Variants in HLCS observed in about 807,000 individuals in gnomAD.
HLCS encodes the protein biotin--protein ligase.
In HLCS, 53 loss-of-function variants were observed where a neutral mutation model predicts 75.0. That is an observed-to-expected ratio of 0.71 (90% confidence interval 0.57 to 0.89). HLCS has a LOEUF of 0.89. Ranked by LOEUF, HLCS falls within the 40% of genes least tolerant of loss-of-function variation. The pLI is 0.00. For missense variants in HLCS, 966 were observed against 1,074.0 expected (o/e 0.90, Z 1.41); for synonymous variants, 431 against 428.6 (o/e 1.01, Z -0.07).
At chr21:36,973,392 C>T (rs1268705491) in intron 1 of HLCS, among the ~76,000 whole-genome samples, 1 of 146,144 alleles carries the variant, frequency 6.8e-6, no homozygotes, top group Non-Finnish European at 1.5e-5. Flanking sequence ...TGAAAAAGCA[C>T]TTCAAAAACA....
At chr21:36,767,705 T>C (rs2835457) in intron 6 of HLCS, among the ~76,000 whole-genome samples, 20,705 of 152,068 alleles carry the variant, frequency 0.14, 2,827 homozygotes, top group African/African-American at 0.35. Context: ...CACTTCTGTT[T>C]GAACACTAGA....
At chr21:36,896,759 G>T in intron 6 of HLCS, 101 bp downstream of exon 6, 1 of 1,334,144 alleles carries the variant, frequency 7.5e-7, no homozygotes, top group Non-Finnish European at 1.1e-6. Flanking sequence ...CTGGTCAAAC[G>T]TATTCCTCTA....
chr21:36,926,845 C>A (rs1457787081), intron 5 of HLCS, among the ~76,000 whole-genome samples: 1 of 151,148 alleles, frequency 6.6e-6, no homozygotes, highest in East Asian at 1.9e-4. Context: ...CTGGCTCAGG[C>A]AATCCTCCTG....
At position 36,754,280 on chromosome 21, in the gene HLCS, A is replaced by G. The variant is rs2089471106; in HGVS notation, c.2588T>C (p.Met863Thr). Residue 863 changes from methionine (M) to threonine (T), a missense_variant, in exon 11 of 11, where the codon ATG (methionine) becomes ACG (threonine). Met to Thr is a moderately conservative substitution (Grantham distance 81). Transcript: ENST00000674895. Reference sequence around the variant, plus strand: ...TTTGGGGAGGATGAGGTTTCTCAGCATGTCGAAGGAGTTGCCGTCCGGGTG... The same window carrying G: ...TTTGGGGAGGATGAGGTTTCTCAGCGTGTCGAAGGAGTTGCCGTCCGGGTG... ...TVHPDGNSFDMLRNLILPKRR is the reference protein window; with the variant it reads ...TVHPDGNSFDTLRNLILPKRR 1 of 1,614,144 alleles carries G rather than the reference A, an allele frequency of 6.2e-7. No individual in the cohort carries two copies. Among genetic ancestry groups the G allele is most frequent in the South Asian group, 1.1e-5 (1 of 91,060 alleles).
chr21:36,923,474 C>T (rs1419734073), intron 5 of HLCS, among the ~76,000 whole-genome samples: 1 of 152,192 alleles, frequency 6.6e-6, no homozygotes, highest in Non-Finnish European at 1.5e-5. Flanking sequence ...GTTCCCTCGG[C>T]CTCAGAGACC....
At chr21:36,947,443 AC>A (rs775322531) in intron 2 of HLCS, 12 of 985,442 alleles carry the variant, frequency 1.2e-5, no homozygotes, top group Non-Finnish European at 1.4e-5. Flanking sequence ...TGTCACTGAT[AC>A]GTCGTCCAGG....
intron 1 of HLCS, among the ~76,000 whole-genome samples, chr21:36,966,211 T>C (rs2068566943): frequency 6.6e-6 from 1 of 152,142 alleles, no homozygotes; most frequent in Non-Finnish European, 1.5e-5. Flanking sequence ...GAGTCACGCG[T>C]CCAGCACCGC....
chr21:36,857,473 T>C (rs1450765634), intron 6 of HLCS, among the ~76,000 whole-genome samples: 1 of 152,222 alleles, frequency 6.6e-6, no homozygotes, highest in Non-Finnish European at 1.5e-5. Context: ...CTGTTTGGTC[T>C]TTCATTTGTG....
At chr21:36,793,145 C>A (rs1045830540) in intron 6 of HLCS, among the ~76,000 whole-genome samples, 17 of 152,024 alleles carry the variant, frequency 1.1e-4, no homozygotes, top group Admixed American at 9.2e-4. Flanking sequence ...TCAAATAATT[C>A]TTCTTTCTAT....
chr21:36,825,632 C>T (rs970067867), intron 6 of HLCS, among the ~76,000 whole-genome samples: 1 of 152,158 alleles, frequency 6.6e-6, no homozygotes, highest in Non-Finnish European at 1.5e-5. Context: ...CCCCAGGTCA[C>T]CCCCGCCCCA....
chr21:36,785,581 C>T (rs1226498473), intron 6 of HLCS, among the ~76,000 whole-genome samples: 6 of 152,234 alleles, frequency 3.9e-5, no homozygotes, highest in Non-Finnish European at 8.8e-5. Context: ...TTAGTTTGAT[C>T]GTTTATTCTC....
chr21:36,863,479 G>A (rs903719757), intron 6 of HLCS, among the ~76,000 whole-genome samples: 1 of 152,196 alleles, frequency 6.6e-6, no homozygotes, highest in Non-Finnish European at 1.5e-5. Context: ...CACAGGCGGG[G>A]TCACAGAAAG....
intron 1 of HLCS, among the ~76,000 whole-genome samples, chr21:36,986,437 T>C (rs1158102417): frequency 6.6e-6 from 1 of 152,204 alleles, no homozygotes; most frequent in East Asian, 1.9e-4. Context: ...TTTTGGTTTT[T>C]GAGATGGAGT....
rs1334205713 is a variant in HLCS, at chr21:36,763,774, G to A, written c.2121+1238C>T. Among the ~76,000 whole-genome samples the A allele has an allele frequency of 2.6e-5, 4 of 152,300 alleles. No homozygotes were observed. In the South Asian group the frequency reaches 6.2e-4, roughly 24 times the overall value. On this transcript the variant is annotated intron_variant, in intron 8 of 10. Transcript: ENST00000674895. ...TTGGGAGGGGGCTATGGGAAGTGAA[G>A]CCCAAGTAGGGAAGAAAATGCTTCG...
intron 6 of HLCS, among the ~76,000 whole-genome samples, chr21:36,895,890 A>T (rs976085857): frequency 3.3e-5 from 5 of 152,324 alleles, no homozygotes; most frequent in African/African-American, 1.2e-4. Flanking sequence ...CAAATTTTTT[A>T]AACTAAAATA....
chr21:36,970,367 G>C (rs1197481587), upstream of HLCS, among the ~76,000 whole-genome samples: 1 of 152,002 alleles, frequency 6.6e-6, no homozygotes, highest in East Asian at 1.9e-4. Context: ...CAAAGTGTTG[G>C]GATTACAGGC....
intron 6 of HLCS, among the ~76,000 whole-genome samples, chr21:36,845,403 A>C (rs958784372): frequency 3.3e-5 from 5 of 152,074 alleles, no homozygotes; most frequent in Admixed American, 2.6e-4. Context: ...GACTGCTGGG[A>C]GCATTTGCTG....
chr21:36,970,956 T>C (rs2068770656), upstream of HLCS, among the ~76,000 whole-genome samples: 1 of 148,576 alleles, frequency 6.7e-6, no homozygotes, highest in Non-Finnish European at 1.5e-5. Context: ...ATTGCGCCAC[T>C]GCACTCCAGC....
chr21:36,820,560 C>G (rs906902516), intron 6 of HLCS, among the ~76,000 whole-genome samples: 2 of 152,194 alleles, frequency 1.3e-5, no homozygotes, highest in Non-Finnish European at 2.9e-5. Context: ...ATGCTCAGGG[C>G]GGCGCTGACA....
Sources: allele counts gnomAD v4.1 joint callset (sites outside exome capture counted in the v4.1 genomes callset), GRCh38; gene constraint gnomAD v4.1.1; transcripts MANE v1.5; gene names NCBI Gene and HGNC (gene_info 2026-07-23, HGNC 2026-07-21).